Variants in USH2A observed in about 807,000 individuals in gnomAD.
The protein encoded by USH2A is usherin.
A neutral mutation model predicts 538.9 loss-of-function variants in USH2A; 443 were observed. The ratio of observed to expected loss-of-function variants is 0.82; its 90% confidence interval spans 0.76 to 0.89. The LOEUF (loss-of-function observed/expected upper bound fraction) is 0.89. USH2A is among the 40% of genes least tolerant of loss of function. The pLI, the probability that USH2A is intolerant of heterozygous loss-of-function variation, is 0.00. For missense variants in USH2A, 6,633 were observed against 6,324.8 expected (o/e 1.05, Z -1.65); for synonymous variants, 2,413 against 2,273.5 (o/e 1.06, Z -1.75).
intron 33 of USH2A, 81 bp downstream of exon 33, chr1:216,000,322 T>TG: frequency 6.4e-7 from 1 of 1,572,394 alleles, no homozygotes. Context: ...ATTAATTTTA[T>TG]GTCACAAGCT....
intron 33 of USH2A, 115 bp downstream of exon 33, chr1:216,000,288 T>C: frequency 1.4e-6 from 2 of 1,406,986 alleles, no homozygotes; most frequent in Non-Finnish European, 2.0e-6. Context: ...AACTAATCAC[T>C]TCTATGCATT....
At chr1:216,102,441 T>C (rs562574685) in intron 21 of USH2A, among the ~76,000 whole-genome samples, 1 of 151,482 alleles carries the variant, frequency 6.6e-6, no homozygotes, top group South Asian at 2.1e-4. Context: ...TATCTATACA[T>C]GCAACATTCA....
rs1296906605 is a variant in USH2A at position 216,325,300 on chromosome 1, A to G, written c.1143+5T>C. ...ATTAATGTACACCTTATCGTTTCTC[A>G]TTACCTGATACTGTCCATTTTCCAA... On this transcript the variant is annotated splice_donor_5th_base_variant and intron_variant, in intron 6 of 71. Transcript: ENST00000307340. The G allele has an allele frequency of 6.2e-7, 1 of 1,613,442 alleles. No homozygotes were observed. Among genetic ancestry groups the G allele is most frequent in the Admixed American group, 1.7e-5 (1 of 59,948 alleles).
At chr1:215,704,214 G>A (rs1296526480) in intron 61 of USH2A, among the ~76,000 whole-genome samples, 1 of 152,202 alleles carries the variant, frequency 6.6e-6, no homozygotes, top group African/African-American at 2.4e-5. Context: ...CCCACCTTCT[G>A]TGTTGGTCTC....
rs1467176684 is a variant in USH2A, at chr1:215,857,717, C to A, written c.8845+9290G>T. The stretch of plus-strand genomic sequence containing the variant: ...GAAGAAGAGGACATGAAGACCCTGA[C>A]TGCAGATTCTCCATACACTGGCCAT... On this transcript the variant is annotated intron_variant, in intron 44 of 71. Transcript: ENST00000307340. Among the ~76,000 whole-genome samples the A allele has an allele frequency of 2.0e-5, 3 of 152,334 alleles. No individual in the cohort carries two copies. The East Asian group carries it at 5.8e-4, about 29-fold the overall frequency.
chr1:216,304,359 T>A (rs2037273211), intron 9 of USH2A, among the ~76,000 whole-genome samples: 1 of 151,992 alleles, frequency 6.6e-6, no homozygotes, highest in African/African-American at 2.4e-5. Flanking sequence ...TGTCTTCCAG[T>A]CACAAATTTA....
intron 15 of USH2A, among the ~76,000 whole-genome samples, chr1:216,208,167 G>C (rs2035159109): frequency 6.6e-6 from 1 of 151,928 alleles, no homozygotes; most frequent in Non-Finnish European, 1.5e-5. Context: ...CTGCTTTTGA[G>C]AGTGAATTTT....
intron 14 of USH2A, among the ~76,000 whole-genome samples, chr1:216,218,750 A>G (rs979684132): frequency 2.6e-5 from 4 of 152,040 alleles, no homozygotes; most frequent in African/African-American, 7.2e-5. Flanking sequence ...TCAAACAACT[A>G]TATTAGGTCT....
At chr1:215,683,255 G>A (rs2820678) in intron 61 of USH2A, among the ~76,000 whole-genome samples, 2 of 147,420 alleles carry the variant, frequency 1.4e-5, no homozygotes, top group African/African-American at 5.0e-5. Context: ...ACACACACAC[G>A]CACACACACA....
chr1:215,855,611 A>G (rs1420743833), intron 44 of USH2A, among the ~76,000 whole-genome samples: 1 of 152,118 alleles, frequency 6.6e-6, no homozygotes, highest in Non-Finnish European at 1.5e-5. Flanking sequence ...CCATCAAATT[A>G]CCATCAACAC....
chr1:216,004,622 G>C (rs1012494223), intron 32 of USH2A, among the ~76,000 whole-genome samples: 1 of 152,138 alleles, frequency 6.6e-6, no homozygotes, highest in African/African-American at 2.4e-5. Flanking sequence ...TTTTCAAAAA[G>C]TTTTGTGGTA....
intron 21 of USH2A, among the ~76,000 whole-genome samples, chr1:216,149,810 C>CG (rs1341501651): frequency 6.6e-6 from 1 of 152,022 alleles, no homozygotes; most frequent in Non-Finnish European, 1.5e-5. Context: ...CTCAATGGAC[C>CG]GGACCCTACT....
chr1:215,779,368 TATTA>T (rs1287424406), intron 55 of USH2A, among the ~76,000 whole-genome samples: 1 of 152,198 alleles, frequency 6.6e-6, no homozygotes, highest in Non-Finnish European at 1.5e-5. Context: ...ACACAATTGC[TATTA>T]ATTAACATTC....
At position 216,283,147 on chromosome 1, in the gene USH2A, C is replaced by T. The variant is rs539164040; in HGVS notation, c.1971+6133G>A. Among the ~76,000 whole-genome samples the T allele has an allele frequency of 1.0e-3, 156 of 152,084 alleles. 1 individual carries two copies. Among genetic ancestry groups the T allele is most frequent in the African/African-American group, 3.5e-3 (146 of 41,494 alleles). On this transcript the variant is annotated intron_variant, in intron 11 of 71. Transcript: ENST00000307340. ...TGTCGCCCAGGCTGGAGTGCAGTGG[C>T]ATGATCTCAGCTCACTGCAAGCTCC...
chr1:215,706,141 C>T (rs147666027), intron 61 of USH2A, among the ~76,000 whole-genome samples: 54 of 152,240 alleles, frequency 3.5e-4, no homozygotes, highest in African/African-American at 1.3e-3. Flanking sequence ...CCAGGATTTG[C>T]CTGGGGGGAT....
At chr1:215,914,893 G>A (rs1665913630) in intron 38 of USH2A, among the ~76,000 whole-genome samples, 1 of 152,152 alleles carries the variant, frequency 6.6e-6, no homozygotes, top group Non-Finnish European at 1.5e-5. Flanking sequence ...TGTTAATTGA[G>A]TTGTTTATTA....
chr1:216,248,904 T>A lies in USH2A; in HGVS notation c.2168-1678A>T, dbSNP rs551719588. Among the ~76,000 whole-genome samples the A allele has an allele frequency of 1.7e-4, 26 of 152,240 alleles. 1 individual carries two copies. The South Asian group carries it at 5.0e-3, about 29-fold the overall frequency. ...CGAGTTAGCACACTTGGCATTTAAT[T>A]CACATTCTTCTCCCTTTTTATTCTA... On this transcript the variant is annotated intron_variant, in intron 12 of 71. Transcript: ENST00000307340.
At chr1:215,760,504 T>C (rs1195223714) in intron 56 of USH2A, among the ~76,000 whole-genome samples, 1 of 152,176 alleles carries the variant, frequency 6.6e-6, no homozygotes, top group Non-Finnish European at 1.5e-5. Flanking sequence ...CAAAGGCATA[T>C]CTCTAGATTG....
At chr1:216,195,419 G>A (rs1484418901) in intron 19 of USH2A, among the ~76,000 whole-genome samples, 1 of 152,154 alleles carries the variant, frequency 6.6e-6, no homozygotes, top group Non-Finnish European at 1.5e-5. Flanking sequence ...GGATGTCTTG[G>A]TATGTGGCTG....
Sources: allele counts gnomAD v4.1 joint callset (sites outside exome capture counted in the v4.1 genomes callset), GRCh38; gene constraint gnomAD v4.1.1; transcripts MANE v1.5; gene names NCBI Gene and HGNC (gene_info 2026-07-23, HGNC 2026-07-21).